BLOC1S3: variants seen among roughly 807,000 people sequenced by gnomAD.
BLOC1S3 encodes the protein biogenesis of lysosomal organelles complex 1 subunit 3, also known as biogenesis of lysosome-related organelles complex 1 subunit 3.
In BLOC1S3, 7 loss-of-function variants were observed where a neutral mutation model predicts 9.1. The ratio of observed to expected loss-of-function variants is 0.77; its 90% CI spans 0.44 to 1.45. BLOC1S3 has a LOEUF of 1.45. Ranked by LOEUF, BLOC1S3 falls within the 40% of genes most tolerant of loss-of-function variation. The probability of loss-of-function intolerance (pLI) is 0.01; values close to 1 mark genes in which losing one functional copy is unlikely to be tolerated. For synonymous variants in BLOC1S3, 145 were observed against 158.4 expected, an observed-to-expected ratio of 0.92 and a Z score of 0.64; for missense variants, 307 against 315.2, an observed-to-expected ratio of 0.97 and a Z score of 0.20.
At chr19:45,188,773 C>T (rs570724221) in intron 2 of BLOC1S3, among the ~76,000 whole-genome samples, 54 of 151,570 alleles carry the variant, frequency 3.6e-4, no homozygotes, top group African/African-American at 1.3e-3. Context: ...GGTTTCACCA[C>T]GTTGGTCAGA....
At chr19:45,205,820 A>T (rs1969722110) in intron 3 of BLOC1S3, among the ~76,000 whole-genome samples, 2 of 152,226 alleles carry the variant, frequency 1.3e-5, no homozygotes, top group Admixed American at 1.3e-4. Flanking sequence ...CCAATTATTT[A>T]AAAAGGGCAA....
intron 3 of BLOC1S3, among the ~76,000 whole-genome samples, chr19:45,210,795 A>G (rs555765554): frequency 1.1e-4 from 16 of 152,258 alleles, no homozygotes; most frequent in African/African-American, 3.6e-4. Flanking sequence ...ACATCTGAAA[A>G]GTACATTGAC....
chr19:45,185,216 G>A (rs1969558229), downstream of BLOC1S3, among the ~76,000 whole-genome samples: 1 of 152,182 alleles, frequency 6.6e-6, no homozygotes, highest in Non-Finnish European at 1.5e-5. Context: ...ATCACTGCCT[G>A]GGAACTGGTC....
chr19:45,206,708 G>A (rs1053771628), intron 3 of BLOC1S3, among the ~76,000 whole-genome samples: 9 of 149,150 alleles, frequency 6.0e-5, no homozygotes, highest in Non-Finnish European at 1.2e-4. Context: ...GATTCCTCCC[G>A]CCTTGGCCTC....
intron 3 of BLOC1S3, among the ~76,000 whole-genome samples, chr19:45,211,812 A>C (rs1969774006): frequency 6.6e-6 from 1 of 151,774 alleles, no homozygotes; most frequent in South Asian, 2.1e-4. Flanking sequence ...AAAAAAAAAA[A>C]ACCACATACA....
chr19:45,213,440 C>A, intron 3 of BLOC1S3: 3 of 1,532,848 alleles, frequency 2.0e-6, no homozygotes, highest in Non-Finnish European at 2.6e-6. Flanking sequence ...CCACCTGACC[C>A]CCTCACCTAT....
chr19:45,197,497 AC>A (rs1969657426), intron 2 of BLOC1S3, among the ~76,000 whole-genome samples: 1 of 120,538 alleles, frequency 8.3e-6, no homozygotes, highest in Admixed American at 8.2e-5. Context: ...AACAACAACC[AC>A]CAAAAAAAAA....
chr19:45,212,985 C>CAG, intron 3 of BLOC1S3: 1 of 1,369,092 alleles, frequency 7.3e-7, no homozygotes, highest in Non-Finnish European at 9.5e-7. Flanking sequence ...TGGTCCCAGG[C>CAG]AGGGAGTCAG....
At chr19:45,188,075 T>TGCA (rs1287301422) in intron 2 of BLOC1S3, among the ~76,000 whole-genome samples, 2 of 152,052 alleles carry the variant, frequency 1.3e-5, no homozygotes, top group African/African-American at 4.8e-5. Context: ...CAGGCTGGAG[T>TGCA]GCAGCAGCGT....
chr19:45,182,109 C>T (rs1391926808), downstream of BLOC1S3, among the ~76,000 whole-genome samples: 1 of 152,172 alleles, frequency 6.6e-6, no homozygotes, highest in Non-Finnish European at 1.5e-5. Context: ...TTCTAGTAAT[C>T]ATAATTTATA....
At chr19:45,193,132 C>CAAAAAAAAAAAAAAAAAAAA (rs71173123) in intron 2 of BLOC1S3, among the ~76,000 whole-genome samples, 3 of 77,930 alleles carry the variant, frequency 3.8e-5, no homozygotes, top group Admixed American at 1.7e-4. Flanking sequence ...AACTCCGTCT[C>CAAAAAAAAAAAAAAAAAAAA]AAAAAAAAAA....
chr19:45,200,946 A>G (rs182597983), intron 2 of BLOC1S3, among the ~76,000 whole-genome samples: 1 of 152,284 alleles, frequency 6.6e-6, no homozygotes, highest in Admixed American at 6.5e-5. Context: ...TCACGCCTGT[A>G]ATCCCAGCAC....
At chr19:45,207,977 C>CT (rs538909673) in intron 3 of BLOC1S3, among the ~76,000 whole-genome samples, 2,404 of 141,496 alleles carry the variant, frequency 0.017, 70 homozygotes, top group African/African-American at 0.052. Context: ...CCACCATGTA[C>CT]TTTTTTTTTT....
rs999626019 is a variant in BLOC1S3 at position 45,180,820 on chromosome 19, G to C, written c.*915G>C. The C allele has an allele frequency of 1.2e-5, 2 of 161,692 alleles. No individual in the cohort carries two copies. Among genetic ancestry groups the C allele is most frequent in the African/African-American group, 4.8e-5 (2 of 41,430 alleles). 10.0% of individuals were successfully genotyped at this position (161,692 alleles called of 1,614,324 possible). Reference sequence around the variant, plus strand: ...CGGCTCACTGCCACCTCCACCTCCCGAGTTCAAGCGATTCTCCTGCCTCAG... The same window carrying C: ...CGGCTCACTGCCACCTCCACCTCCCCAGTTCAAGCGATTCTCCTGCCTCAG... On this transcript the variant is annotated 3_prime_UTR_variant, in exon 2 of 2. Transcript: ENST00000433642.
chr19:45,213,012 G>A, intron 3 of BLOC1S3: 3 of 1,424,988 alleles, frequency 2.1e-6, no homozygotes, highest in Non-Finnish European at 1.8e-6. Flanking sequence ...CGCCGTACGG[G>A]AGGTTGGCTT....
At chr19:45,208,077 C>T (rs575464565) in intron 3 of BLOC1S3, among the ~76,000 whole-genome samples, 61 of 151,454 alleles carry the variant, frequency 4.0e-4, no homozygotes, top group African/African-American at 1.3e-3. Context: ...TGGGTTCAAG[C>T]GATTCTTCTG....
downstream of BLOC1S3, among the ~76,000 whole-genome samples, chr19:45,182,711 T>C (rs1302819862): frequency 1.3e-5 from 2 of 151,986 alleles, no homozygotes; most frequent in African/African-American, 4.8e-5. Context: ...AGAGACGAGC[T>C]CTCACAATGT....
chr19:45,212,806 C>G (rs1969789370), intron 3 of BLOC1S3: 1 of 408,338 alleles, frequency 2.4e-6, no homozygotes, highest in Non-Finnish European at 4.3e-6. Context: ...CACTATGTTG[C>G]CCAGGCTGGT....
chr19:45,184,622 C>T (rs374138780), downstream of BLOC1S3, among the ~76,000 whole-genome samples: 3 of 151,880 alleles, frequency 2.0e-5, no homozygotes, highest in African/African-American at 4.8e-5. Flanking sequence ...AAAAAGGGGC[C>T]GGGCGTGGTG....
Sources: gnomAD v4.1 joint callset for allele counts (sites outside exome capture counted in the v4.1 genomes callset) on GRCh38, gnomAD v4.1.1 for gene constraint, MANE v1.5 for transcripts, NCBI Gene and HGNC (gene_info 2026-07-23, HGNC 2026-07-21) for gene names.